Variants in COQ8B observed in about 807,000 individuals in gnomAD.
COQ8B encodes atypical kinase COQ8B, mitochondrial.
A neutral mutation model predicts 62.0 loss-of-function variants in COQ8B; 44 were observed. The ratio of observed to expected loss-of-function variants is 0.71; its 90% CI spans 0.56 to 0.91. The LOEUF is 0.91. COQ8B is among the 40% of genes least tolerant of loss of function. COQ8B has a pLI of 0.00. For missense variants in COQ8B, 649 were observed against 731.6 expected (o/e 0.89, Z 1.30); for synonymous variants, 252 against 289.9 (o/e 0.87, Z 1.33).
chr19:40,710,184 C>G, intron 4 of COQ8B, 48 bp from the exon 5 acceptor site: 1 of 1,519,558 alleles, frequency 6.6e-7, no homozygotes, highest in Non-Finnish European at 9.1e-7. Context: ...TGGGGTGCCC[C>G]CAGCCTAACC....
rs1385983084 is a variant in COQ8B, at chr19:40,700,358, C to T, written c.987G>A (p.Gly329=). 4 of 1,614,200 alleles carry T rather than the reference C, an allele frequency of 2.5e-6. No homozygotes were observed. In the Admixed American group the frequency reaches 5.0e-5, roughly 20 times the overall value. ...TRVLGMELAG[G]VPLDQCQGLS... is the part of the protein sequence containing the mutation. ...GGCCCTGGCACTGGTCCAGGGGGAC[C>T]CCTCCAGCCAGCTCCATGCCCAGCA... The change falls in exon 11 of 15, where the codon GGG becomes GGA. Residue 329 remains glycine (G), a synonymous_variant. Transcript: ENST00000324464.
Position 40,700,192 on chromosome 19 carries a change from A to C in COQ8B, c.1036-18T>G. 3 of 1,614,096 alleles carry C rather than the reference A, an allele frequency of 1.9e-6. No individual in the cohort carries two copies. In the South Asian group the frequency reaches 3.3e-5, roughly 18 times the overall value. ...AAGCAAATCTGGGGTGGGGAGAATT[A>C]ACAGGCATCTCAGTGTGATCTCCCT... On this transcript the variant is annotated intron_variant, in intron 11 of 14. Coordinates refer to ENST00000324464, the MANE Select transcript of COQ8B (RefSeq NM_024876.4).
chr19:40,709,616 C>T (rs1218961889), intron 5 of COQ8B, among the ~76,000 whole-genome samples: 2 of 152,062 alleles, frequency 1.3e-5, no homozygotes, highest in Non-Finnish European at 2.9e-5. Flanking sequence ...GAGGCCAAGG[C>T]GGGTGGATCA....
chr19:40,715,428 C>T (rs1348977499), intron 1 of COQ8B: 1 of 985,584 alleles, frequency 1.0e-6, no homozygotes, highest in Non-Finnish European at 1.2e-6. Flanking sequence ...ATCTTGCCAA[C>T]CCCCCTTCTT....
Position 40,696,182 on chromosome 19 carries a change from C to A in COQ8B, c.1144-128G>T. On this transcript the variant is annotated intron_variant, in intron 12 of 14. Transcript: ENST00000324464. ...TCCTGCCAGAGTCCCTGCCTGGCTGCCTCACTGGGCTCCTGGCCTCATCTC... is the reference window on the plus strand; with the variant it reads ...TCCTGCCAGAGTCCCTGCCTGGCTGACTCACTGGGCTCCTGGCCTCATCTC... The A allele has an allele frequency of 4.0e-6, 4 of 1,005,960 alleles. No homozygotes were observed. The South Asian group carries it at 4.0e-5, about 10-fold the overall frequency. 62.3% of individuals were successfully genotyped at this position (1,005,960 alleles called of 1,614,324 possible).
rs2144698983 is a variant in COQ8B, at chr19:40,703,450, C to T, written c.799+91G>A. 1 of 1,315,992 alleles carries T rather than the reference C, an allele frequency of 7.6e-7. No individual in the cohort carries two copies. Among genetic ancestry groups the T allele is most frequent in the Non-Finnish European group, 1.0e-6 (1 of 974,600 alleles). The allele number at this position is 1,315,992 out of a possible 1,614,324, so 81.5% of individuals were successfully genotyped here. On this transcript the variant is annotated intron_variant, in intron 9 of 14. Coordinates refer to ENST00000324464, the MANE Select transcript of COQ8B (RefSeq NM_024876.4). ...CCGCTCACAACGCCAGCACACCCTG[C>T]CCGTGCTCTCCTCTGGGCTCCCCCT...
chr19:40,703,999 A>G, intron 7 of COQ8B, 144 bp from the exon 8 acceptor site: 8 of 1,112,100 alleles, frequency 7.2e-6, no homozygotes, highest in Non-Finnish European at 8.7e-6. Flanking sequence ...CAGATGAGGA[A>G]ACTGAGGCTC....
intron 13 of COQ8B, 50 bp from the exon 14 acceptor site, chr19:40,693,087 G>GC (rs748823745): frequency 1.3e-6 from 2 of 1,531,918 alleles, no homozygotes; most frequent in South Asian, 2.3e-5. Context: ...GCTCAAGGGG[G>GC]CTCTGGAGAA....
intron 1 of COQ8B, chr19:40,715,684 T>G (rs150394005): frequency 1.0e-5 from 9 of 896,118 alleles, no homozygotes; most frequent in Admixed American, 6.2e-5. Context: ...TCACACACCC[T>G]GTTCTCTCCG....
intron 5 of COQ8B, chr19:40,708,004 G>A (rs546660956): frequency 6.6e-6 from 1 of 151,884 alleles, no homozygotes; most frequent in East Asian, 1.9e-4. Context: ...TGTGTACCTG[G>A]GTTTATATGC....
At chr19:40,714,815 T>C in intron 1 of COQ8B, 180 bp from the exon 2 acceptor site, 1 of 1,341,036 alleles carries the variant, frequency 7.5e-7, no homozygotes. Context: ...TAGCTCTTCC[T>C]GCAGGCCTCC....
chr19:40,692,038 T>G lies in COQ8B; in HGVS notation c.1632A>C (p.Ser544=). 1 of 1,598,818 alleles carries G rather than the reference T, an allele frequency of 6.3e-7. No individual in the cohort carries two copies. Among genetic ancestry groups the G allele is most frequent in the Non-Finnish European group, 8.5e-7 (1 of 1,172,886 alleles). ...ACTGAATCCCCCATGGAGGCTGTCA[T>G]GAGGGATCCACCCAGGAGTCCCCTT... is the stretch of plus-strand genomic sequence containing the variant. ...PTKGDSWVDP[S] Residue 544 remains serine (S), a synonymous_variant, in exon 15 of 15, where the codon TCA becomes TCC. Transcript: ENST00000324464.
chr19:40,702,235 G>C (rs1388830863), intron 10 of COQ8B, among the ~76,000 whole-genome samples: 1 of 152,310 alleles, frequency 6.6e-6, no homozygotes, highest in East Asian at 1.9e-4. Context: ...CAGTGCAGAA[G>C]GGATGCTGTG....
chr19:40,713,566 A>C (rs2369250), intron 4 of COQ8B, among the ~76,000 whole-genome samples: 1 of 144,624 alleles, frequency 6.9e-6, no homozygotes, highest in East Asian at 2.0e-4. Flanking sequence ...AAAAAAAAAA[A>C]ATAGCCAGGC....
At chr19:40,710,755 TTC>T (rs1425917747) in intron 4 of COQ8B, among the ~76,000 whole-genome samples, 1 of 152,132 alleles carries the variant, frequency 6.6e-6, no homozygotes, top group Non-Finnish European at 1.5e-5. Flanking sequence ...ACTCCCCAAA[TTC>T]TGATTAAATT....
In COQ8B at chr19:40,710,166, C is replaced by T. The variant is rs768705011; in HGVS notation, c.290-30G>A. 2.4e-5 allele frequency: 39 copies of T among 1,609,990 alleles called. No homozygotes were observed. The Admixed American group carries it at 2.5e-4, about 10-fold the overall frequency. ...AGTGCAAGAGAAGAACATGAGTGCCCGTTTGCCTGGGGTGCCCCCAGCCTA... is the reference window on the plus strand; with the variant it reads ...AGTGCAAGAGAAGAACATGAGTGCCTGTTTGCCTGGGGTGCCCCCAGCCTA... On this transcript the variant is annotated intron_variant, in intron 4 of 14. Coordinates refer to ENST00000324464, the MANE Select transcript of COQ8B (RefSeq NM_024876.4).
chr19:40,711,783 C>T (rs908341721), intron 4 of COQ8B, among the ~76,000 whole-genome samples: 2 of 152,200 alleles, frequency 1.3e-5, no homozygotes, highest in South Asian at 4.1e-4. Flanking sequence ...CTTCTGTGCA[C>T]TTACTAATTT....
chr19:40,713,995 C>T, intron 4 of COQ8B, 72 bp downstream of exon 4: 5 of 1,509,538 alleles, frequency 3.3e-6, no homozygotes, highest in Non-Finnish European at 4.6e-6. Flanking sequence ...TTCATCCTCT[C>T]CCTTGCTTCA....
chr19:40,691,684 CG>C lies in COQ8B; in HGVS notation c.*350del. 5.3e-6 allele frequency: 1 copy of C among 188,504 alleles called. No individual in the cohort carries two copies. Among genetic ancestry groups the C allele is most frequent in the Non-Finnish European group, 1.1e-5 (1 of 91,966 alleles). The allele number at this position is 188,504 out of a possible 1,614,324, so 11.7% of individuals were successfully genotyped here. A position where few individuals can be genotyped will look rare whatever the true frequency, so the allele number is the denominator to read the frequency against. On this transcript the variant is annotated 3_prime_UTR_variant, in exon 15 of 15. Transcript: ENST00000324464. ...GTGAGGACTGCCTCCAGGACCATCT[CG>C]CCTTCCACGGGAGGCTTGAGGCAGA...
Sources: gnomAD v4.1 joint callset for allele counts (sites outside exome capture counted in the v4.1 genomes callset) on GRCh38, gnomAD v4.1.1 for gene constraint, MANE v1.5 for transcripts, NCBI Gene and HGNC (gene_info 2026-07-23, HGNC 2026-07-21) for gene names.